The following PSME2 variants were observed in gnomAD, a reference collection of about 807,000 sequenced individuals.
The protein encoded by PSME2 is proteasome activator subunit 2, also known as proteasome activator complex subunit 2.
A neutral mutation model predicts 38.8 loss-of-function variants in PSME2; 20 were observed. The observed-to-expected ratio is 0.52, with a 90% CI of 0.36 to 0.75. The LOEUF (loss-of-function observed/expected upper bound fraction) is 0.75. Among genes scored for constraint, PSME2 ranks in the 30% least tolerant of loss-of-function variants. The pLI, the probability that PSME2 is intolerant of heterozygous loss-of-function variation, is 0.00. For synonymous variants in PSME2, 82 were observed against 102.5 expected, an observed-to-expected ratio of 0.80 and a Z score of 1.21; for missense variants, 227 against 287.6, an observed-to-expected ratio of 0.79 and a Z score of 1.52.
intron 5 of PSME2, 30 bp from the exon 6 acceptor site, chr14:24,145,185 C>T (rs1297010148): frequency 6.2e-7 from 1 of 1,612,126 alleles, no homozygotes. Flanking sequence ...CAGGCCCTTT[C>T]TCATCCAGTA....
At chr14:24,145,996 A>G in intron 2 of PSME2, 2 of 813,160 alleles carry the variant, frequency 2.5e-6, no homozygotes, top group South Asian at 1.5e-5. Flanking sequence ...CCTCCACATC[A>G]AAAGACGGGA....
rs369767757 is a variant in PSME2 at position 24,145,422 on chromosome 14, G to T, written c.188C>A (p.Pro63Gln). 1.1e-5 allele frequency: 17 copies of T among 1,562,072 alleles called. No homozygotes were observed. In the African/African-American group the frequency reaches 2.2e-4, roughly 20 times the overall value. Residue 63 changes from proline to glutamine, a missense_variant, in exon 4 of 11, where the codon CCA becomes CAA. By Grantham distance (76) the Pro-to-Gln change is moderately conservative. Transcript: ENST00000216802. Reference protein sequence around the residue: ...NVADLTSLRAPLDIPIPDPPP... With the variant: ...NVADLTSLRAQLDIPIPDPPP... ...AGGGTCTGGGATGGGGATGTCCAGT[G>T]GGGCCCGGAGGGAAGTCAAGTCAGC...
Position 24,145,703 on chromosome 14 carries a change from T to C in PSME2, c.144+7A>G. 6.2e-7 allele frequency: 1 copy of C among 1,612,896 alleles called. No homozygotes were observed. The highest frequency in any genetic ancestry group is 8.5e-7 in the Non-Finnish European group (1 of 1,178,900). ...AGGATGGGGCAGAAGGGGCCCACAC[T>C]ACTCACTTGCAAGAGCTGATTCAGG... On this transcript the variant is annotated splice_region_variant and intron_variant, in intron 3 of 10. Transcript: ENST00000216802.
At chr14:24,145,647 AGAGAG>A (rs2038140670) in intron 3 of PSME2, 58 bp downstream of exon 3, 2 of 1,543,598 alleles carry the variant, frequency 1.3e-6, no homozygotes, top group African/African-American at 1.4e-5. Flanking sequence ...GTTGTTAGCT[AGAGAG>A]GGTGGGCAAA....
In PSME2 at chr14:24,145,283, A is replaced by G; in HGVS notation, c.232-10T>C. On this transcript the variant is annotated splice_polypyrimidine_tract_variant and intron_variant, in intron 4 of 10. Coordinates refer to ENST00000216802, the MANE Select transcript of PSME2 (RefSeq NM_002818.3). ...GCTTATCTGTTTCCATCTAAGGCAAAAAGGGGGGAAAGTAGCTTTAGAAAA... is the reference window on the plus strand; with the variant it reads ...GCTTATCTGTTTCCATCTAAGGCAAGAAGGGGGGAAAGTAGCTTTAGAAAA... 2 of 1,614,032 alleles carry G rather than the reference A, an allele frequency of 1.2e-6. No homozygotes were observed. The highest frequency in any genetic ancestry group is 1.7e-6 in the Non-Finnish European group (2 of 1,179,936).
chr14:24,143,436 C>A lies in PSME2; in HGVS notation c.693G>T (p.Lys231Asn). ...SSNLEKIVNP[K>N]GEEKPSMY ...AGTACATAGATGGCTTTTCTTCACC[C>A]TTTGGGTTGACAATTTTCTCCAGGT... is the stretch of plus-strand genomic sequence containing the variant. The change falls in exon 11 of 11, where the codon AAG becomes AAT. Residue 231 changes from lysine (K) to asparagine (N), a missense_variant. By Grantham distance (94) the Lys-to-Asn change is moderately conservative (BLOSUM62 0). Coordinates refer to ENST00000216802, the MANE Select transcript of PSME2 (RefSeq NM_002818.3). The surrounding 1 kb of genome is among the most constrained non-coding windows in gnomAD (Gnocchi z 4.4). 1.2e-6 allele frequency: 2 copies of A among 1,614,130 alleles called. No individual in the cohort carries two copies. The highest frequency in any genetic ancestry group is 1.7e-6 in the Non-Finnish European group (2 of 1,180,002).
intron 6 of PSME2, 42 bp downstream of exon 6, chr14:24,145,016 T>C (rs2038128890): frequency 1.9e-6 from 3 of 1,563,156 alleles, no homozygotes; most frequent in Non-Finnish European, 1.8e-6. Flanking sequence ...GGCCTCACCT[T>C]GTGTGTCTTC....
rs118166119 is a variant in PSME2 at position 24,144,301 on chromosome 14, C to A, written c.430-42G>T. On this transcript the variant is annotated intron_variant, in intron 7 of 10. Coordinates refer to ENST00000216802, the MANE Select transcript of PSME2 (RefSeq NM_002818.3). ...GGCAAAGACAACACTTCATGTCCTCCCCATTTCATACACTATCTTCCTCCT... is the reference window on the plus strand; with the variant it reads ...GGCAAAGACAACACTTCATGTCCTCACCATTTCATACACTATCTTCCTCCT... 3.7e-6 allele frequency: 6 copies of A among 1,612,340 alleles called. No homozygotes were observed. In the African/African-American group the frequency reaches 8.0e-5, roughly 22 times the overall value.
At chr14:24,146,430 G>C in intron 1 of PSME2, 104 bp downstream of exon 1, 4 of 1,508,778 alleles carry the variant, frequency 2.7e-6, no homozygotes, top group Non-Finnish European at 3.7e-6. Flanking sequence ...GCACTAGCGA[G>C]ATTGGGGGAG....
In PSME2 at chr14:24,144,271, CG is replaced by C; in HGVS notation, c.430-13del. Reference sequence around the variant, plus strand: ...TCCAGCACCTTCTCCTGTGGTGACACGGGAGGCAAAGACAACACTTCATGTC... The same window carrying C: ...TCCAGCACCTTCTCCTGTGGTGACACGGAGGCAAAGACAACACTTCATGTC... On this transcript the variant is annotated splice_polypyrimidine_tract_variant and intron_variant, in intron 7 of 10. Coordinates refer to ENST00000216802, the MANE Select transcript of PSME2 (RefSeq NM_002818.3). 6.2e-7 allele frequency: 1 copy of C among 1,614,078 alleles called. No homozygotes were observed. Among genetic ancestry groups the C allele is most frequent in the Non-Finnish European group, 8.5e-7 (1 of 1,179,934 alleles).
intron 2 of PSME2, 86 bp downstream of exon 2, chr14:24,146,122 G>C (rs1225367594): frequency 5.3e-6 from 8 of 1,506,240 alleles, no homozygotes; most frequent in Non-Finnish European, 7.4e-6. Flanking sequence ...AGTCTAGGGT[G>C]ACTTGGGGGG....
chr14:24,145,108 G>GTT lies in PSME2; in HGVS notation c.309_310insAA (p.Leu104AsnfsTer19). 1 of 1,613,858 alleles carries GTT rather than the reference G, an allele frequency of 6.2e-7. No individual in the cohort carries two copies. Among genetic ancestry groups the GTT allele is most frequent in the Non-Finnish European group, 8.5e-7 (1 of 1,179,792 alleles). ...CAGACTTCTGGCTTAACCAGGGCAA[G>GTT]CAGGGACAGGACTTTCTCATTCCCA... On this transcript the variant is annotated frameshift_variant, in exon 6 of 11. Coordinates refer to ENST00000216802, the MANE Select transcript of PSME2 (RefSeq NM_002818.3). LOFTEE classifies it high-confidence loss of function.
chr14:24,146,236 T>TC lies in PSME2; in HGVS notation c.52dup (p.Glu18GlyfsTer12). The TC allele has an allele frequency of 6.2e-7, 1 of 1,612,546 alleles. No individual in the cohort carries two copies. The highest frequency in any genetic ancestry group is 8.5e-7 in the Non-Finnish European group (1 of 1,179,326). On this transcript the variant is annotated frameshift_variant, in exon 2 of 11. Transcript: ENST00000216802. LOFTEE classifies it high-confidence loss of function. ...CTGGAAAAGATTCTGTCTGAAGACC[T>TC]CCACCTACACAGAGAGCAGTACCCG...
intron 2 of PSME2, 161 bp from the exon 3 acceptor site, chr14:24,145,933 C>T: frequency 1.1e-6 from 1 of 874,198 alleles, no homozygotes; most frequent in Non-Finnish European, 1.9e-6. Flanking sequence ...TGGTAAATGG[C>T]AGAACGAAGG....
chr14:24,144,994 G>A (rs1265915750), intron 6 of PSME2, 64 bp downstream of exon 6: 28 of 1,476,828 alleles, frequency 1.9e-5, no homozygotes, highest in Admixed American at 3.4e-5. Context: ...TTGTATCTAC[G>A]GAGGAGTCCA....
chr14:24,145,800 A>C (rs775027714), intron 2 of PSME2, 28 bp from the exon 3 acceptor site: 147 of 1,589,776 alleles, frequency 9.2e-5, no homozygotes, highest in Non-Finnish European at 1.2e-4. Context: ...AGGGAGGGGA[A>C]TCACAGAATA....
chr14:24,145,203 T>A, intron 5 of PSME2, 40 bp downstream of exon 5: 1 of 1,612,890 alleles, frequency 6.2e-7, no homozygotes, highest in Non-Finnish European at 8.5e-7. Flanking sequence ...GTAGTCAGTG[T>A]GCCATCACCC....
intron 3 of PSME2, 80 bp downstream of exon 3, chr14:24,145,630 G>A (rs1384802542): frequency 2.0e-6 from 3 of 1,514,490 alleles, no homozygotes; most frequent in Non-Finnish European, 2.8e-6. Flanking sequence ...TCTGCATGCT[G>A]AATCCAGTTG....
At chr14:24,145,923 T>C in intron 2 of PSME2, 151 bp from the exon 3 acceptor site, 2 of 914,150 alleles carry the variant, frequency 2.2e-6, no homozygotes, top group Middle Eastern at 2.1e-4. Context: ...TTGCCCAAGC[T>C]GGTAAATGGC....
Sources: gnomAD v4.1 joint callset for allele counts on GRCh38, gnomAD v4.1.1 for gene constraint, Gnocchi (gnomAD v3.1) non-coding constraint, MANE v1.5 for transcripts, NCBI Gene and HGNC (gene_info 2026-07-23, HGNC 2026-07-21) for gene names.